The following SHISA6 variants were observed in gnomAD, a reference collection of about 807,000 sequenced individuals.
SHISA6 encodes shisa family member 6.
A neutral mutation model predicts 47.9 loss-of-function variants in SHISA6; 22 were observed. That is an observed-to-expected ratio of 0.46 (90% CI 0.33 to 0.66). The LOEUF (loss-of-function observed/expected upper bound fraction) is 0.66. Among genes scored for constraint, SHISA6 ranks in the 30% least tolerant of loss-of-function variants. The pLI is 0.02. For synonymous variants in SHISA6, 388 were observed against 337.8 expected, an observed-to-expected ratio of 1.15 and a Z score of -1.63; for missense variants, 680 against 764.6, an observed-to-expected ratio of 0.89 and a Z score of 1.30.
chr17:11,440,158 T>C (rs527619708), intron 3 of SHISA6, among the ~76,000 whole-genome samples: 1 of 152,292 alleles, frequency 6.6e-6, no homozygotes, highest in Non-Finnish European at 1.5e-5. Context: ...AAGACCAAGA[T>C]GAGGACGCTG....
rs561421778 is a variant in SHISA6 at position 11,525,253 on chromosome 17, T to C, written c.896-26643T>C. Among the ~76,000 whole-genome samples, 27 of 152,316 alleles carry C rather than the reference T, an allele frequency of 1.8e-4. No individual in the cohort carries two copies. The South Asian group carries it at 5.4e-3, about 30-fold the overall frequency. ...ATCTTCTCAGTTATACGATTCATCA[T>C]GCCCACAAGAAGAACACAACCAGTC... On this transcript the variant is annotated intron_variant, in intron 3 of 5. Coordinates refer to ENST00000441885, the MANE Select transcript of SHISA6 (RefSeq NM_207386.4).
At chr17:11,330,132 A>C (rs563584015) in intron 2 of SHISA6, among the ~76,000 whole-genome samples, 1 of 152,216 alleles carries the variant, frequency 6.6e-6, no homozygotes, top group Admixed American at 6.5e-5. Flanking sequence ...TTATATTTCT[A>C]GCAAATGTTC....
chr17:11,330,489 G>GGAGAGAGAGAGAGAGA (rs4055800), intron 2 of SHISA6, among the ~76,000 whole-genome samples: 47 of 147,548 alleles, frequency 3.2e-4, no homozygotes, highest in African/African-American at 1.2e-3. Flanking sequence ...GTAATGCTAG[G>GGAGAGAGAGAGAGAGA]GAGAGAGAGA....
At chr17:11,332,255 AT>A (rs1489677850) in intron 2 of SHISA6, among the ~76,000 whole-genome samples, 3 of 146,988 alleles carry the variant, frequency 2.0e-5, no homozygotes, top group Non-Finnish European at 4.5e-5. Flanking sequence ...AAAAAAAAAA[AT>A]GGAAAGACAA....
chr17:11,258,970 G>GGAATGGAT (rs1908124196), intron 1 of SHISA6, among the ~76,000 whole-genome samples: 1 of 152,090 alleles, frequency 6.6e-6, no homozygotes, highest in Non-Finnish European at 1.5e-5. Context: ...GATGAATGGA[G>GGAATGGAT]GAATGGATGA....
chr17:11,524,627 G>A (rs965760974), intron 3 of SHISA6, among the ~76,000 whole-genome samples: 5 of 151,884 alleles, frequency 3.3e-5, no homozygotes, highest in Non-Finnish European at 7.4e-5. Flanking sequence ...CTCCCGAGGA[G>A]CTGGGATTAC....
intron 3 of SHISA6, among the ~76,000 whole-genome samples, chr17:11,537,022 G>C (rs140587264): frequency 1.3e-5 from 2 of 152,132 alleles, no homozygotes; most frequent in Non-Finnish European, 2.9e-5. Flanking sequence ...AAGACCTAAA[G>C]TTTGTCTTTT....
intron 3 of SHISA6, among the ~76,000 whole-genome samples, chr17:11,528,242 A>T (rs1350798699): frequency 6.6e-6 from 1 of 152,204 alleles, no homozygotes; most frequent in Non-Finnish European, 1.5e-5. Flanking sequence ...CAATATAAAG[A>T]AGACAGCTAA....
chr17:11,406,769 T>C (rs1482622256), intron 3 of SHISA6, among the ~76,000 whole-genome samples: 1 of 152,194 alleles, frequency 6.6e-6, no homozygotes, highest in Non-Finnish European at 1.5e-5. Flanking sequence ...TATTAGATTG[T>C]ATAAAATGTA....
intron 3 of SHISA6, among the ~76,000 whole-genome samples, chr17:11,507,121 C>CATTACAA (rs1285864175): frequency 2.6e-5 from 4 of 152,168 alleles, no homozygotes; most frequent in African/African-American, 9.6e-5. Flanking sequence ...ATGAGGAAGA[C>CATTACAA]AATGACATCC....
At chr17:11,303,458 T>C (rs1457036812) in intron 2 of SHISA6, among the ~76,000 whole-genome samples, 2 of 152,026 alleles carry the variant, frequency 1.3e-5, no homozygotes, top group Non-Finnish European at 2.9e-5. Context: ...TATGGCTGTA[T>C]GTGTGGTTGT....
chr17:11,307,008 G>A (rs996817766), intron 2 of SHISA6, among the ~76,000 whole-genome samples: 4 of 152,210 alleles, frequency 2.6e-5, no homozygotes, highest in Admixed American at 6.5e-5. Context: ...TTCAGAATAT[G>A]GAAGCAGATG....
At chr17:11,264,822 G>A (rs948898340) in intron 2 of SHISA6, among the ~76,000 whole-genome samples, 4 of 151,930 alleles carry the variant, frequency 2.6e-5, no homozygotes, top group Non-Finnish European at 4.4e-5. Flanking sequence ...TTTTAAAATA[G>A]CATTCTTAAA....
chr17:11,481,729 G>T (rs1225951923), intron 3 of SHISA6, among the ~76,000 whole-genome samples: 1 of 151,980 alleles, frequency 6.6e-6, no homozygotes, highest in Non-Finnish European at 1.5e-5. Context: ...CTGACCTCAT[G>T]ATCCACCCAC....
At chr17:11,554,773 C>T (rs896120629) in intron 4 of SHISA6, among the ~76,000 whole-genome samples, 1 of 152,054 alleles carries the variant, frequency 6.6e-6, no homozygotes, top group African/African-American at 2.4e-5. Flanking sequence ...GCATGCTTGT[C>T]TTCTTCCCCA....
At chr17:11,300,145 A>T (rs1909872290) in intron 2 of SHISA6, among the ~76,000 whole-genome samples, 1 of 61,328 alleles carries the variant, frequency 1.6e-5, no homozygotes, top group Non-Finnish European at 3.3e-5. Context: ...ACTCCATCTT[A>T]AAACAAAAAA....
intron 3 of SHISA6, among the ~76,000 whole-genome samples, chr17:11,536,080 A>ACT (rs60262362): frequency 0.47 from 72,069 of 151,778 alleles, 17,257 homozygotes; most frequent in East Asian, 0.61. Flanking sequence ...CTCCACTGAT[A>ACT]GGGATGGCAA....
At chr17:11,275,679 C>T (rs1312530819) in intron 2 of SHISA6, among the ~76,000 whole-genome samples, 4 of 152,072 alleles carry the variant, frequency 2.6e-5, no homozygotes, top group Non-Finnish European at 2.9e-5. Flanking sequence ...CCACTGAAGC[C>T]GAGACCCAAA....
At chr17:11,389,560 C>A (rs1472201341) in intron 3 of SHISA6, among the ~76,000 whole-genome samples, 1 of 152,144 alleles carries the variant, frequency 6.6e-6, no homozygotes, top group Non-Finnish European at 1.5e-5. Flanking sequence ...CTGTTATAAC[C>A]CTAATCTTGG....
Sources: allele counts gnomAD v4.1 joint callset (sites outside exome capture counted in the v4.1 genomes callset), GRCh38; gene constraint gnomAD v4.1.1; transcripts MANE v1.5; gene names NCBI Gene and HGNC (gene_info 2026-07-23, HGNC 2026-07-21).